URI1: variants seen among roughly 807,000 people sequenced by gnomAD.
URI1 encodes the protein unconventional prefoldin RPB5 interactor 1.
A neutral mutation model predicts 60.2 loss-of-function variants in URI1; 39 were observed. The observed-to-expected ratio is 0.65, with a 90% confidence interval of 0.50 to 0.85. The LOEUF (loss-of-function observed/expected upper bound fraction) is 0.85, where lower values mean the gene tolerates loss of function less well. Ranked by LOEUF, URI1 falls within the 40% of genes least tolerant of loss-of-function variation. The probability of loss-of-function intolerance (pLI) is 0.00; values close to 1 mark genes in which losing one functional copy is unlikely to be tolerated. For missense variants in URI1, 691 were observed against 665.9 expected (o/e 1.04, Z -0.42); for synonymous variants, 251 against 236.8 (o/e 1.06, Z -0.55).
chr19:29,980,922 C>CAAA (rs5827686), intron 2 of URI1, among the ~76,000 whole-genome samples: 4 of 68,592 alleles, frequency 5.8e-5, no homozygotes, highest in Non-Finnish European at 8.8e-5. Context: ...ACTCCATCTC[C>CAAA]AAAAAAAAAA....
chr19:29,986,172 T>C (rs1389761799), intron 3 of URI1, 110 bp from the exon 4 acceptor site: 2 of 1,083,814 alleles, frequency 1.8e-6, no homozygotes, highest in African/African-American at 3.3e-5. Flanking sequence ...TTTCCCAATG[T>C]ATAAATAAAA....
chr19:30,000,337 T>G (rs981968856), intron 4 of URI1, among the ~76,000 whole-genome samples: 9 of 152,030 alleles, frequency 5.9e-5, no homozygotes, highest in Non-Finnish European at 1.2e-4. Flanking sequence ...TCCTGGTGTC[T>G]TCTTACCCTG....
chr19:29,960,197 A>G (rs1167366287), intron 1 of URI1, among the ~76,000 whole-genome samples: 1 of 152,040 alleles, frequency 6.6e-6, no homozygotes, highest in Non-Finnish European at 1.5e-5. Context: ...CTTTTGACCT[A>G]ATGTTTTCTT....
At chr19:30,005,032 A>T (rs867361204) in intron 4 of URI1, among the ~76,000 whole-genome samples, 5 of 152,048 alleles carry the variant, frequency 3.3e-5, no homozygotes, top group Non-Finnish European at 7.4e-5. Flanking sequence ...ACTGTTATGA[A>T]ATACTGCATT....
At position 29,942,673 on chromosome 19, in the gene URI1, C is replaced by A. The variant is rs1413524038; in HGVS notation, c.117+9C>A. On this transcript the variant is annotated intron_variant, in intron 1 of 10. Coordinates refer to ENST00000392271, the MANE Select transcript of URI1 (RefSeq NM_003796.3). ...GCGAGGAGCAGGAAAAGGTAACTAG[C>A]AGCCCCGCGCCGCTTCCGCCTCCGC... 2 of 1,387,704 alleles carry A rather than the reference C, an allele frequency of 1.4e-6. No homozygotes were observed. The highest frequency in any genetic ancestry group is 1.7e-5 in the South Asian group (1 of 58,562). 86.0% of individuals were successfully genotyped at this position (1,387,704 alleles called of 1,614,324 possible).
At chr19:29,931,634 C>A (rs1359544822) in intron 1 of URI1, among the ~76,000 whole-genome samples, 1 of 152,166 alleles carries the variant, frequency 6.6e-6, no homozygotes, top group African/African-American at 2.4e-5. Flanking sequence ...ATATTGTCTT[C>A]CAATCCATGA....
chr19:30,004,006 G>A (rs186010732), intron 4 of URI1, among the ~76,000 whole-genome samples: 1 of 152,054 alleles, frequency 6.6e-6, no homozygotes, highest in Non-Finnish European at 1.5e-5. Context: ...GACCATGCTC[G>A]GATGAAATCT....
At chr19:29,933,942 T>TC (rs1373279925) in intron 1 of URI1, among the ~76,000 whole-genome samples, 1 of 144,476 alleles carries the variant, frequency 6.9e-6, no homozygotes, top group Non-Finnish European at 1.5e-5. Context: ...TTTCTTCCCT[T>TC]TTTTTTTTTT....
intron 6 of URI1, among the ~76,000 whole-genome samples, chr19:30,005,990 G>A (rs1397550004): frequency 1.3e-5 from 2 of 152,068 alleles, no homozygotes; most frequent in East Asian, 1.9e-4. Flanking sequence ...CTCAGAAGAT[G>A]TATATTCTAG....
intron 2 of URI1, among the ~76,000 whole-genome samples, chr19:29,981,638 T>G (rs1568428998): frequency 6.6e-6 from 1 of 152,168 alleles, no homozygotes; most frequent in African/African-American, 2.4e-5. Flanking sequence ...ATGAGGATAT[T>G]GGAAAAAAAT....
intron 1 of URI1, among the ~76,000 whole-genome samples, chr19:29,935,936 GC>G (rs1250526244): frequency 6.6e-6 from 1 of 150,942 alleles, no homozygotes; most frequent in Non-Finnish European, 1.5e-5. Flanking sequence ...ACAGGCACCC[GC>G]CACCACGCCT....
intron 2 of URI1, chr19:29,980,287 G>T (rs1268048174): frequency 6.6e-6 from 1 of 152,008 alleles, no homozygotes; most frequent in Non-Finnish European, 1.5e-5. Flanking sequence ...CCATAGGCTT[G>T]TTGTAGAGGA....
intron 1 of URI1, among the ~76,000 whole-genome samples, chr19:29,968,096 A>C (rs983808626): frequency 2.0e-5 from 3 of 152,204 alleles, no homozygotes; most frequent in Non-Finnish European, 4.4e-5. Context: ...TTACTGCTGT[A>C]CTTCTATGTA....
intron 1 of URI1, among the ~76,000 whole-genome samples, chr19:29,943,257 G>C (rs1019726493): frequency 6.6e-6 from 1 of 152,020 alleles, no homozygotes; most frequent in Non-Finnish European, 1.5e-5. Context: ...ACCGCACCCG[G>C]CTCATTTTTA....
intron 1 of URI1, among the ~76,000 whole-genome samples, chr19:29,968,565 CTTTTTTTTTTT>C (rs35475321): frequency 1.3e-5 from 1 of 74,428 alleles, no homozygotes; most frequent in African/African-American, 5.1e-5. Context: ...CTAATTTTTT[CTTTTTTTTTTT>C]TTTTTTTTTT....
At chr19:29,970,522 A>G (rs2055446326) in intron 1 of URI1, among the ~76,000 whole-genome samples, 1 of 152,092 alleles carries the variant, frequency 6.6e-6, no homozygotes, top group African/African-American at 2.4e-5. Context: ...CATATCTCCA[A>G]GGAAAACAAA....
chr19:29,954,165 C>T (rs2055213952), intron 1 of URI1, among the ~76,000 whole-genome samples: 1 of 152,188 alleles, frequency 6.6e-6, no homozygotes, highest in South Asian at 2.1e-4. Context: ...TACAAAATAG[C>T]TTCAGAATTA....
chr19:29,936,111 GGAGTTTTGCTTTTTTA>G (rs1217285368), intron 1 of URI1, among the ~76,000 whole-genome samples: 4 of 150,258 alleles, frequency 2.7e-5, no homozygotes, highest in Non-Finnish European at 5.9e-5. Flanking sequence ...TTTTTGAGAT[GGAGTTTTGCTTTTTTA>G]GAGTTTTGCT....
chr19:30,011,247 C>T lies in URI1; in HGVS notation c.1178+11C>T, dbSNP rs2056015340. On this transcript the variant is annotated intron_variant, in intron 9 of 10. Transcript: ENST00000392271. ...TGCAGACATTTACAGGTGGGAGGCG[C>T]TCACAGCTGCAGGGCAGTCTGCTGG... 6.3e-7 allele frequency: 1 copy of T among 1,593,704 alleles called. No homozygotes were observed. The highest frequency in any genetic ancestry group is 8.5e-7 in the Non-Finnish European group (1 of 1,173,750).
Sources: gnomAD v4.1 joint callset for allele counts (sites outside exome capture counted in the v4.1 genomes callset) on GRCh38, gnomAD v4.1.1 for gene constraint, MANE v1.5 for transcripts, NCBI Gene and HGNC (gene_info 2026-07-23, HGNC 2026-07-21) for gene names.